The following COPB1 variants were observed in gnomAD, a reference collection of about 807,000 sequenced individuals.
COPB1 encodes coatomer subunit beta.
COPB1 carries 21 observed loss-of-function variants against 108.7 expected under a neutral mutation model. The ratio of observed to expected loss-of-function variants is 0.19; its 90% CI spans 0.14 to 0.28. The LOEUF (loss-of-function observed/expected upper bound fraction) is 0.28, where lower values mean the gene tolerates loss of function less well. COPB1 is among the 10% of genes least tolerant of loss of function. The pLI is 1.00. For synonymous variants in COPB1, 378 were observed against 386.8 expected, an observed-to-expected ratio of 0.98 and a Z score of 0.27; for missense variants, 919 against 1,141.3, an observed-to-expected ratio of 0.81 and a Z score of 2.81.
At chr11:14,492,445 G>A (rs1175466168) in intron 4 of COPB1, among the ~76,000 whole-genome samples, 1 of 152,114 alleles carries the variant, frequency 6.6e-6, no homozygotes, top group Admixed American at 6.5e-5. Flanking sequence ...CCAGGTTCGA[G>A]CAATTCTTCT....
intron 16 of COPB1, among the ~76,000 whole-genome samples, chr11:14,466,638 G>A (rs959636628): frequency 6.6e-6 from 1 of 152,046 alleles, no homozygotes; most frequent in Non-Finnish European, 1.5e-5. Context: ...ACATCTATTT[G>A]TTTTTAAGCT....
intron 4 of COPB1, among the ~76,000 whole-genome samples, chr11:14,492,717 T>C (rs114534422): frequency 0.01 from 1,593 of 152,300 alleles, 27 homozygotes; most frequent in African/African-American, 0.036. Flanking sequence ...TGAAATTATA[T>C]CTTAACCAAC....
chr11:14,461,048 G>C, intron 19 of COPB1, 138 bp downstream of exon 19: 1 of 1,062,696 alleles, frequency 9.4e-7, no homozygotes, highest in South Asian at 1.4e-5. Context: ...AGGCTAATTT[G>C]CAAGAACAGA....
chr11:14,498,997 AAC>A lies in COPB1; in HGVS notation c.-57-14_-57-13del, dbSNP rs1851089520. 1.6e-6 allele frequency: 2 copies of A among 1,272,030 alleles called. No individual in the cohort carries two copies. The highest frequency in any genetic ancestry group is 2.2e-6 in the Non-Finnish European group (2 of 910,650). The allele number at this position is 1,272,030 out of a possible 1,614,324, so 78.8% of individuals were successfully genotyped here. Reference sequence around the variant, plus strand: ...GGATGCCAGAAAATCTAGAAAAATAAACACAGACATATCATTACAAATTAAAA... The same window carrying A: ...GGATGCCAGAAAATCTAGAAAAATAAACAGACATATCATTACAAATTAAAA... On this transcript the variant is annotated splice_polypyrimidine_tract_variant and intron_variant, in intron 1 of 21. Transcript: ENST00000439561.
intron 13 of COPB1, 88 bp from the exon 14 acceptor site, chr11:14,474,703 C>T (rs948309993): frequency 7.1e-6 from 11 of 1,545,374 alleles, no homozygotes; most frequent in Non-Finnish European, 9.6e-6. Flanking sequence ...GCCTATTAAA[C>T]ACTCTTATTA....
intron 10 of COPB1, 147 bp downstream of exon 10, chr11:14,480,612 A>T: frequency 1.4e-6 from 1 of 709,122 alleles, no homozygotes; most frequent in Non-Finnish European, 2.2e-6. Flanking sequence ...TTCTGAGTTT[A>T]AAGGTAGAGG....
intron 8 of COPB1, among the ~76,000 whole-genome samples, 185 bp downstream of exon 8, chr11:14,482,847 A>AT (rs1185040602): frequency 6.6e-6 from 1 of 152,174 alleles, no homozygotes; most frequent in East Asian, 1.9e-4. Context: ...TTTTAGAAAT[A>AT]TTTTTTGTGG....
chr11:14,482,497 C>T (rs1029882716), intron 8 of COPB1, among the ~76,000 whole-genome samples: 9 of 151,710 alleles, frequency 5.9e-5, no homozygotes, highest in African/African-American at 1.5e-4. Flanking sequence ...CAGTACAAAC[C>T]GAAAAGATAA....
intron 2 of COPB1, 157 bp from the exon 3 acceptor site, chr11:14,494,596 G>A (rs2134129101): frequency 1.8e-6 from 1 of 561,328 alleles, no homozygotes; most frequent in East Asian, 2.9e-5. Context: ...TTCTCCACCT[G>A]GTTCTCCACC....
chr11:14,492,691 A>G (rs1850934271), intron 4 of COPB1, among the ~76,000 whole-genome samples: 1 of 152,206 alleles, frequency 6.6e-6, no homozygotes, highest in Non-Finnish European at 1.5e-5. Context: ...GATAAAATCT[A>G]ACAGTAAGAT....
intron 6 of COPB1, among the ~76,000 whole-genome samples, chr11:14,487,696 A>C (rs1850805837): frequency 6.6e-6 from 1 of 151,718 alleles, no homozygotes; most frequent in African/African-American, 2.4e-5. Context: ...AAACAACAAA[A>C]AAAAAACAAA....
chr11:14,463,620 T>C (rs1365418660), intron 18 of COPB1, among the ~76,000 whole-genome samples: 1 of 152,168 alleles, frequency 6.6e-6, no homozygotes, highest in African/African-American at 2.4e-5. Context: ...ACACCCGGCC[T>C]ATCTCTAGTT....
At chr11:14,473,231 C>T (rs116986063) in intron 14 of COPB1, among the ~76,000 whole-genome samples, 4,176 of 152,292 alleles carry the variant, frequency 0.027, 88 homozygotes, top group Middle Eastern at 0.044. Flanking sequence ...TCTCGGGCCT[C>T]CCAAAGTGCT....
At chr11:14,486,750 G>C (rs1259211113) in intron 6 of COPB1, among the ~76,000 whole-genome samples, 4 of 152,052 alleles carry the variant, frequency 2.6e-5, no homozygotes, top group African/African-American at 9.7e-5. Context: ...TACTAGATAG[G>C]ATGGTGTGAA....
At chr11:14,485,784 G>A (rs1850756587) in intron 7 of COPB1, among the ~76,000 whole-genome samples, 1 of 152,130 alleles carries the variant, frequency 6.6e-6, no homozygotes, top group African/African-American at 2.4e-5. Flanking sequence ...GGAGGTGGAG[G>A]ATGCAGTGAG....
intron 7 of COPB1, 69 bp from the exon 8 acceptor site, chr11:14,483,220 C>A: frequency 9.8e-7 from 1 of 1,023,980 alleles, no homozygotes. Context: ...TAAGCATGCG[C>A]GCGCACACCA....
chr11:14,467,021 T>C (rs538489476), intron 16 of COPB1, among the ~76,000 whole-genome samples: 5 of 152,040 alleles, frequency 3.3e-5, no homozygotes, highest in Admixed American at 6.5e-5. Flanking sequence ...ACCAAAAGCA[T>C]AGGCAATAAA....
At chr11:14,498,797 TTC>T (rs1851083805) in intron 2 of COPB1, 39 bp downstream of exon 2, 2 of 1,488,256 alleles carry the variant, frequency 1.3e-6, no homozygotes, top group Middle Eastern at 2.3e-4. Flanking sequence ...TTTTTGTTTT[TTC>T]TTTTTTCATT....
chr11:14,475,643 C>T (rs1380887267), intron 13 of COPB1, 142 bp downstream of exon 13: 3 of 709,022 alleles, frequency 4.2e-6, no homozygotes, highest in Non-Finnish European at 6.2e-6. Flanking sequence ...ACTTAAACAT[C>T]CTCCGCTTCT....
Sources: gnomAD v4.1 joint callset for allele counts (sites outside exome capture counted in the v4.1 genomes callset) on GRCh38, gnomAD v4.1.1 for gene constraint, MANE v1.5 for transcripts, NCBI Gene and HGNC (gene_info 2026-07-23, HGNC 2026-07-21) for gene names.